The following DLGAP4 variants were observed in gnomAD, a reference collection of about 807,000 sequenced individuals.
DLGAP4 encodes disks large-associated protein 4.
DLGAP4 carries 18 observed loss-of-function variants against 86.9 expected under a neutral mutation model. The ratio of observed to expected loss-of-function variants is 0.21; its 90% confidence interval spans 0.14 to 0.31. The LOEUF is 0.31. Among genes scored for constraint, DLGAP4 ranks in the 10% least tolerant of loss-of-function variants. The probability of loss-of-function intolerance (pLI) is 1.00; values close to 1 mark genes in which losing one functional copy is unlikely to be tolerated. For synonymous variants in DLGAP4, 548 were observed against 574.3 expected (o/e 0.95, Z 0.65); for missense variants, 1,085 against 1,362.6 (o/e 0.80, Z 3.21).
At chr20:36,491,488 G>A (rs1250288842) in intron 7 of DLGAP4, among the ~76,000 whole-genome samples, 2 of 152,128 alleles carry the variant, frequency 1.3e-5, no homozygotes, top group African/African-American at 2.4e-5. Flanking sequence ...GTGGTTTCAC[G>A]TGCTGTGGTT....
At position 36,528,017 on chromosome 20, in the gene DLGAP4, C is replaced by CT. The variant is rs2037874141; in HGVS notation, c.*987dup. 1 of 152,724 alleles carries CT rather than the reference C, an allele frequency of 6.5e-6. No individual in the cohort carries two copies. Among genetic ancestry groups the CT allele is most frequent in the South Asian group, 2.1e-4 (1 of 4,828 alleles). 9.5% of individuals were successfully genotyped at this position (152,724 alleles called of 1,614,324 possible). On this transcript the variant is annotated 3_prime_UTR_variant, in exon 13 of 13. Transcript: ENST00000339266. ...CCATGCCCACCCAGCGCCGCCGCCG[C>CT]TGGCTCTCGGGGCACCTGGCAGGAG...
intron 2 of DLGAP4, among the ~76,000 whole-genome samples, chr20:36,389,645 A>G (rs2031720737): frequency 6.6e-6 from 1 of 152,206 alleles, no homozygotes; most frequent in Non-Finnish European, 1.5e-5. Flanking sequence ...ATTACCTTAC[A>G]TAAGTAAGAA....
chr20:36,389,393 G>A (rs2031712160), intron 2 of DLGAP4, among the ~76,000 whole-genome samples: 1 of 152,196 alleles, frequency 6.6e-6, no homozygotes, highest in Non-Finnish European at 1.5e-5. Context: ...TACTTTCCCT[G>A]TGCCTCTGCT....
chr20:36,385,255 G>A (rs1379803655), intron 2 of DLGAP4, among the ~76,000 whole-genome samples: 2 of 152,170 alleles, frequency 1.3e-5, no homozygotes, highest in African/African-American at 4.8e-5. Flanking sequence ...TCTGCTAACT[G>A]TGAGCTGTGT....
chr20:36,514,904 C>G (rs555896628), intron 10 of DLGAP4, among the ~76,000 whole-genome samples: 62 of 152,088 alleles, frequency 4.1e-4, no homozygotes, highest in African/African-American at 1.5e-3. Context: ...GGAGAAAGGC[C>G]ATGTCTGAGG....
intron 7 of DLGAP4, among the ~76,000 whole-genome samples, chr20:36,447,715 C>G (rs1376445776): frequency 2.6e-5 from 4 of 152,096 alleles, no homozygotes; most frequent in Non-Finnish European, 5.9e-5. Context: ...GCTACCATGC[C>G]CAGCCCTGGA....
chr20:36,479,295 A>G (rs899289609), intron 7 of DLGAP4, among the ~76,000 whole-genome samples: 17 of 152,118 alleles, frequency 1.1e-4, no homozygotes, highest in Admixed American at 5.2e-4. Context: ...GGGCTCTGCC[A>G]GCCTGTGTCA....
chr20:36,520,487 A>T (rs993432877), intron 10 of DLGAP4, among the ~76,000 whole-genome samples: 12 of 151,962 alleles, frequency 7.9e-5, no homozygotes, highest in African/African-American at 2.4e-4. Context: ...GCTGCGATTA[A>T]TAGGCATGCG....
At chr20:36,519,785 G>T (rs2037263322) in intron 10 of DLGAP4, among the ~76,000 whole-genome samples, 1 of 145,460 alleles carries the variant, frequency 6.9e-6, no homozygotes, top group Non-Finnish European at 1.5e-5. Flanking sequence ...TTTGGGGTTT[G>T]TTTGTTTGTT....
chr20:36,455,530 G>A (rs1381286568), intron 7 of DLGAP4, among the ~76,000 whole-genome samples: 1 of 152,160 alleles, frequency 6.6e-6, no homozygotes, highest in African/African-American at 2.4e-5. Context: ...GCTGACCTGG[G>A]ATGGGCTCCA....
Position 36,525,216 on chromosome 20 carries a change from C to CA in DLGAP4, c.2605-597dup, listed in dbSNP as rs1159616185. On this transcript the variant is annotated intron_variant, in intron 11 of 12. Coordinates refer to ENST00000339266, the MANE Select transcript of DLGAP4 (RefSeq NM_001365621.2). ...TGGGTGACAGAGCGAGACTCCGTCT[C>CA]AAAAAAAAAAAAAAAAAAAAAAAAA... Among the ~76,000 whole-genome samples the CA allele has an allele frequency of 3.5e-3, 100 of 28,490 alleles. 16 individuals are homozygous for CA. The highest frequency in any genetic ancestry group is 4.1e-3 in the African/African-American group (40 of 9,746). The allele number at this position is 28,490 out of a possible 152,430, so 18.7% of individuals were successfully genotyped here. A position where few individuals can be genotyped will look rare whatever the true frequency, so the allele number is the denominator to read the frequency against.
chr20:36,316,883 A>C (rs1342703161), intron 1 of DLGAP4, among the ~76,000 whole-genome samples: 3 of 152,156 alleles, frequency 2.0e-5, no homozygotes, highest in Admixed American at 2.0e-4. Context: ...GGGGTAACTG[A>C]GGCTGGGCAA....
Position 36,408,003 on chromosome 20 carries a change from T to C in DLGAP4, c.-72-23643T>C, listed in dbSNP as rs142594472. Among the ~76,000 whole-genome samples, 56 of 152,108 alleles carry C rather than the reference T, an allele frequency of 3.7e-4. No individual in the cohort carries two copies. In the South Asian group the frequency reaches 5.0e-3, roughly 14 times the overall value. ...CTGGGTTCGAATCCCAGCAAAGTCA[T>C]GGAAGTCTGGGACATCAGAATGTGT... is the stretch of plus-strand genomic sequence containing the variant. On this transcript the variant is annotated intron_variant, in intron 2 of 12. Coordinates refer to ENST00000339266, the MANE Select transcript of DLGAP4 (RefSeq NM_001365621.2).
intron 1 of DLGAP4, among the ~76,000 whole-genome samples, chr20:36,324,150 G>C (rs782250601): frequency 6.6e-6 from 1 of 152,118 alleles, no homozygotes; most frequent in Non-Finnish European, 1.5e-5. Flanking sequence ...AGTTCAGCTG[G>C]GCACGGTGGC....
At chr20:36,346,509 A>C (rs1259184707) in intron 1 of DLGAP4, among the ~76,000 whole-genome samples, 1 of 152,160 alleles carries the variant, frequency 6.6e-6, no homozygotes, top group Non-Finnish European at 1.5e-5. Context: ...GGCATTGTGG[A>C]TGGGGGAACA....
At chr20:36,358,962 C>A (rs2030426274) in intron 1 of DLGAP4, among the ~76,000 whole-genome samples, 1 of 152,098 alleles carries the variant, frequency 6.6e-6, no homozygotes, top group South Asian at 2.1e-4. Context: ...CAGAAATGCT[C>A]AAGAAGAAGT....
At chr20:36,414,294 G>A (rs1245628375) in intron 2 of DLGAP4, among the ~76,000 whole-genome samples, 1 of 152,148 alleles carries the variant, frequency 6.6e-6, no homozygotes, top group African/African-American at 2.4e-5. Context: ...ATGAGTGCCT[G>A]CGTCGTCCCC....
intron 2 of DLGAP4, among the ~76,000 whole-genome samples, chr20:36,399,424 A>T (rs1052625066): frequency 6.6e-6 from 1 of 152,138 alleles, no homozygotes; most frequent in African/African-American, 2.4e-5. Flanking sequence ...TGTAAGAAAA[A>T]ATAAGATCAT....
At chr20:36,326,889 T>C (rs1458508876) in intron 1 of DLGAP4, among the ~76,000 whole-genome samples, 1 of 152,166 alleles carries the variant, frequency 6.6e-6, no homozygotes, top group Non-Finnish European at 1.5e-5. Context: ...GTTGTTCCAC[T>C]GTCTTCTCAC....
Sources: allele counts gnomAD v4.1 joint callset (sites outside exome capture counted in the v4.1 genomes callset), GRCh38; gene constraint gnomAD v4.1.1; transcripts MANE v1.5; gene names NCBI Gene and HGNC (gene_info 2026-07-23, HGNC 2026-07-21).